DHX33: variants seen among roughly 807,000 people sequenced by gnomAD.
DHX33 encodes DEAH-box helicase 33.
A neutral mutation model predicts 72.5 loss-of-function variants in DHX33; 42 were observed. That is an observed-to-expected ratio of 0.58 (90% CI 0.45 to 0.75). The LOEUF (loss-of-function observed/expected upper bound fraction) is 0.75. Ranked by LOEUF, DHX33 falls within the 30% of genes least tolerant of loss-of-function variation. The pLI, the probability that DHX33 is intolerant of heterozygous loss-of-function variation, is 0.00. For missense variants in DHX33, 842 were observed against 917.5 expected (o/e 0.92, Z 1.06); for synonymous variants, 358 against 366.1 (o/e 0.98, Z 0.25).
intron 1 of DHX33, among the ~76,000 whole-genome samples, chr17:5,466,406 A>C (rs1244849394): frequency 2.6e-5 from 4 of 152,204 alleles, no homozygotes; most frequent in African/African-American, 9.7e-5. Flanking sequence ...TCCTAAATCG[A>C]GCAGCATCCA....
intron 6 of DHX33, 71 bp from the exon 7 acceptor site, chr17:5,454,051 A>C (rs1311687964): frequency 1.4e-5 from 21 of 1,554,458 alleles, no homozygotes; most frequent in East Asian, 2.2e-5. Context: ...CGATAAAAAG[A>C]AGCACACCAG....
chr17:5,446,037 A>G (rs1916647174), intron 11 of DHX33, among the ~76,000 whole-genome samples: 1 of 152,160 alleles, frequency 6.6e-6, no homozygotes, highest in Admixed American at 6.5e-5. Flanking sequence ...GCAGTGGCAC[A>G]ATCCCAGCTC....
intron 8 of DHX33, among the ~76,000 whole-genome samples, chr17:5,451,467 T>A (rs1199738372): frequency 1.3e-5 from 2 of 152,112 alleles, no homozygotes; most frequent in Non-Finnish European, 2.9e-5. Context: ...AATATACACA[T>A]TAAAAGTGTA....
At position 5,443,965 on chromosome 17, in the gene DHX33, G is replaced by T; in HGVS notation, c.*240C>A. The T allele has an allele frequency of 2.1e-6, 1 of 467,090 alleles. No homozygotes were observed. The highest frequency in any genetic ancestry group is 1.9e-5 in the African/African-American group (1 of 51,724). The allele number at this position is 467,090 out of a possible 1,614,324, so 28.9% of individuals were successfully genotyped here. A position where few individuals can be genotyped will look rare whatever the true frequency, so the allele number is the denominator to read the frequency against. On this transcript the variant is annotated 3_prime_UTR_variant, in exon 12 of 12. Coordinates refer to ENST00000225296, the MANE Select transcript of DHX33 (RefSeq NM_020162.4). ...AACTGAGGCTCAGGTGTTAAATTAA[G>T]TCAAAGTCACCCAGTAAGAACCAAA...
chr17:5,451,353 C>A (rs538583253), intron 8 of DHX33, among the ~76,000 whole-genome samples: 1 of 152,324 alleles, frequency 6.6e-6, no homozygotes, highest in South Asian at 2.1e-4. Flanking sequence ...GATCTGCCCA[C>A]CTTGACCTCC....
chr17:5,455,314 A>C (rs1299401065), intron 5 of DHX33, 43 bp from the exon 6 acceptor site: 2 of 1,515,966 alleles, frequency 1.3e-6, no homozygotes, highest in Non-Finnish European at 1.8e-6. Context: ...TGACACACGG[A>C]TGATTCAGAA....
At chr17:5,460,510 T>TTG (rs947419119) in intron 4 of DHX33, among the ~76,000 whole-genome samples, 3 of 151,530 alleles carry the variant, frequency 2.0e-5, no homozygotes, top group African/African-American at 4.9e-5. Flanking sequence ...ATTGTTTTTT[T>TTG]TTTGTTTTTT....
intron 6 of DHX33, among the ~76,000 whole-genome samples, chr17:5,454,459 T>C (rs1269541908): frequency 1.3e-5 from 2 of 152,134 alleles, no homozygotes; most frequent in Admixed American, 1.3e-4. Context: ...AAGACAGAAA[T>C]AATGTGATGT....
At chr17:5,448,545 G>A (rs2151683306) in intron 11 of DHX33, among the ~76,000 whole-genome samples, 1 of 152,086 alleles carries the variant, frequency 6.6e-6, no homozygotes, top group East Asian at 1.9e-4. Flanking sequence ...TCTAACACTG[G>A]AAAATGCTTA....
intron 1 of DHX33, among the ~76,000 whole-genome samples, chr17:5,466,912 G>C (rs927487334): frequency 1.3e-5 from 2 of 152,218 alleles, no homozygotes; most frequent in Admixed American, 1.3e-4. Context: ...TATGTGCAAG[G>C]TGTGTAAGGA....
At chr17:5,457,680 T>C (rs1032669861) in intron 4 of DHX33, among the ~76,000 whole-genome samples, 1 of 151,890 alleles carries the variant, frequency 6.6e-6, no homozygotes, top group Non-Finnish European at 1.5e-5. Context: ...TATATTTATG[T>C]ATATATGTAA....
At position 5,448,734 on chromosome 17, in the gene DHX33, T is replaced by C. The variant is rs1916761707; in HGVS notation, c.1815+75A>G. The C allele has an allele frequency of 3.6e-6, 4 of 1,122,692 alleles. No homozygotes were observed. In the East Asian group the frequency reaches 1.1e-4, roughly 31 times the overall value. 69.5% of individuals were successfully genotyped at this position (1,122,692 alleles called of 1,614,324 possible). A position where few individuals can be genotyped will look rare whatever the true frequency, so the allele number is the denominator to read the frequency against. ...GAAATCCTTTTATAATCACTAGCAATAAGCAACTTCAAAATTTCTACCTTG... is the reference window on the plus strand; with the variant it reads ...GAAATCCTTTTATAATCACTAGCAACAAGCAACTTCAAAATTTCTACCTTG... On this transcript the variant is annotated intron_variant, in intron 11 of 11. Coordinates refer to ENST00000225296, the MANE Select transcript of DHX33 (RefSeq NM_020162.4).
chr17:5,455,489 G>A (rs1597359912), intron 5 of DHX33, among the ~76,000 whole-genome samples: 1 of 152,212 alleles, frequency 6.6e-6, no homozygotes, highest in African/African-American at 2.4e-5. Context: ...ATGAGATGCA[G>A]TGGAACAAGC....
chr17:5,463,794 G>A (rs1319706379), intron 1 of DHX33, 105 bp from the exon 2 acceptor site: 23 of 1,173,742 alleles, frequency 2.0e-5, no homozygotes, highest in Admixed American at 5.8e-5. Context: ...GCCGAGGTAG[G>A]AGGCTCTCTT....
At chr17:5,450,071 CTTTT>C in intron 10 of DHX33, 128 bp downstream of exon 10, 1 of 1,108,888 alleles carries the variant, frequency 9.0e-7, no homozygotes, top group Non-Finnish European at 1.3e-6. Flanking sequence ...GTCTGGCTTT[CTTTT>C]TGTGATTCTT....
In DHX33 at chr17:5,460,942, G is replaced by C. The variant is rs750788328; in HGVS notation, c.846C>G (p.His282Gln). The change falls in exon 4 of 12, where the codon CAC becomes CAG. Residue 282 changes from histidine (H) to glutamine (Q), a missense_variant. By Grantham distance (24) the His-to-Gln change is conservative. Transcript: ENST00000225296. ...HAALVSVFQI[H>Q]QEAPSSQDIL... is the part of the protein sequence containing the mutation. ...GAATTTGCCCCCAGCACCATACCTG[G>C]TGGATCTGGAAGACGGAGACAAGCG... 1 of 1,611,980 alleles carries C rather than the reference G, an allele frequency of 6.2e-7. No individual in the cohort carries two copies. Among genetic ancestry groups the C allele is most frequent in the African/African-American group, 1.3e-5 (1 of 75,016 alleles).
intron 1 of DHX33, among the ~76,000 whole-genome samples, chr17:5,465,944 CTT>C (rs1453288637): frequency 7.2e-5 from 11 of 152,178 alleles, no homozygotes; most frequent in African/African-American, 2.7e-4. Flanking sequence ...CCTGCAGCCT[CTT>C]AGCCTTCCTC....
intron 1 of DHX33, among the ~76,000 whole-genome samples, chr17:5,467,020 G>A (rs895393103): frequency 6.6e-6 from 1 of 152,232 alleles, no homozygotes; most frequent in African/African-American, 2.4e-5. Context: ...GAGGGGGCCA[G>A]GTGCGGTGGC....
At chr17:5,450,429 G>C in intron 9 of DHX33, 23 bp from the exon 10 acceptor site, 2 of 1,609,332 alleles carry the variant, frequency 1.2e-6, no homozygotes, top group Non-Finnish European at 1.7e-6. Flanking sequence ...ATTTAAAATT[G>C]TGTAAACCCA....
Sources: gnomAD v4.1 joint callset for allele counts (sites outside exome capture counted in the v4.1 genomes callset) on GRCh38, gnomAD v4.1.1 for gene constraint, MANE v1.5 for transcripts, NCBI Gene and HGNC (gene_info 2026-07-23, HGNC 2026-07-21) for gene names.